Variants in CCDC181 observed in about 807,000 individuals in gnomAD.
The protein encoded by CCDC181 is coiled-coil domain-containing protein 181.
In CCDC181, 35 loss-of-function variants were observed where a neutral mutation model predicts 58.7. The ratio of observed to expected loss-of-function variants is 0.60; its 90% CI spans 0.46 to 0.79. The LOEUF (loss-of-function observed/expected upper bound fraction) is 0.79. CCDC181 is among the 30% of genes least tolerant of loss of function. CCDC181 has a pLI of 0.00. For missense variants in CCDC181, 517 were observed against 583.9 expected (o/e 0.89, Z 1.18); for synonymous variants, 183 against 197.5 (o/e 0.93, Z 0.62).
At chr1:169,448,592 A>G (rs908844832) in intron 2 of CCDC181, among the ~76,000 whole-genome samples, 1 of 151,488 alleles carries the variant, frequency 6.6e-6, no homozygotes, top group African/African-American at 2.4e-5. Flanking sequence ...CTTTCAATAT[A>G]TTTTTGCCTT....
intron 1 of CCDC181, among the ~76,000 whole-genome samples, chr1:169,426,271 A>C (rs1469980855): frequency 6.6e-6 from 1 of 152,170 alleles, no homozygotes; most frequent in Non-Finnish European, 1.5e-5. Flanking sequence ...CAATTCTTTT[A>C]ATCTTCATCA....
intron 4 of CCDC181, among the ~76,000 whole-genome samples, chr1:169,411,461 A>G (rs1655958832): frequency 6.6e-6 from 1 of 152,224 alleles, no homozygotes; most frequent in African/African-American, 2.4e-5. Context: ...TCAGCAGTAC[A>G]AAGAGGAGCT....
rs1194818961 is a variant in CCDC181 at position 169,427,372 on chromosome 1, C to G, written c.-108G>C. On this transcript the variant is annotated 5_prime_UTR_variant, in exon 1 of 6. Coordinates refer to ENST00000367806, the MANE Select transcript of CCDC181 (RefSeq NM_001300969.2). Reference sequence around the variant, plus strand: ...TCTTTCTAAGCTCTTCACATTGAGGCAAAGGAGACCCCGGCACCTGCCTCC... The same window carrying G: ...TCTTTCTAAGCTCTTCACATTGAGGGAAAGGAGACCCCGGCACCTGCCTCC... The G allele has an allele frequency of 6.6e-6, 1 of 152,302 alleles. No individual in the cohort carries two copies. Among genetic ancestry groups the G allele is most frequent in the Non-Finnish European group, 1.5e-5 (1 of 68,138 alleles). 9.4% of individuals were successfully genotyped at this position (152,302 alleles called of 1,614,324 possible).
chr1:169,415,207 C>T (rs1364196241), intron 4 of CCDC181, among the ~76,000 whole-genome samples: 1 of 152,130 alleles, frequency 6.6e-6, no homozygotes, highest in Non-Finnish European at 1.5e-5. Flanking sequence ...CTTGGAATGC[C>T]ATGAGGCCTG....
intron 3 of CCDC181, 68 bp from the exon 4 acceptor site, chr1:169,419,227 A>G: frequency 7.0e-7 from 1 of 1,427,030 alleles, no homozygotes; most frequent in Non-Finnish European, 9.3e-7. Flanking sequence ...CAGAGTAGAG[A>G]GATATATTTT....
Position 169,450,888 on chromosome 1 carries a change from A to G in CCDC181, c.-24+8909T>C, listed in dbSNP as rs139168074. 9.8e-5 allele frequency among the ~76,000 whole-genome samples: 15 copies of G among 152,288 alleles called. No individual in the cohort carries two copies. The East Asian group carries it at 2.5e-3, about 25-fold the overall frequency. ...ATTAATTTGCTTTTCCCGAATGACA[A>G]ATACTGTTAAGAACTTTTCATATTC... On this transcript the variant is annotated intron_variant, in intron 2 of 6. Coordinates refer to the CCDC181 transcript ENST00000545005.
intron 3 of CCDC181, among the ~76,000 whole-genome samples, chr1:169,419,614 A>G (rs1308492080): frequency 6.6e-6 from 1 of 152,168 alleles, no homozygotes; most frequent in Non-Finnish European, 1.5e-5. Context: ...CCTATATACT[A>G]TTTTCTGAGC....
At chr1:169,415,786 C>T (rs1055878647) in intron 4 of CCDC181, among the ~76,000 whole-genome samples, 2 of 152,154 alleles carry the variant, frequency 1.3e-5, no homozygotes, top group African/African-American at 4.8e-5. Flanking sequence ...CATTGAACAT[C>T]CACCCCCAAA....
intron 4 of CCDC181, among the ~76,000 whole-genome samples, chr1:169,418,358 GA>G (rs1164034194): frequency 2.6e-5 from 4 of 151,322 alleles, no homozygotes; most frequent in East Asian, 3.9e-4. Flanking sequence ...ATGATGAAGT[GA>G]AAAAAAACTG....
chr1:169,424,859 C>T lies in CCDC181; in HGVS notation c.69G>A (p.Leu23=). Residue 23 remains leucine (L), a synonymous_variant, in exon 2 of 6, where the codon CTG becomes CTA. Transcript: ENST00000367806. ...TTTCATTTTCATTAATTAACCACTC[C>T]AGGTCCTTTTCAAAGTCATCTTCGT... The part of the protein sequence containing the change: ...EEYEDDFEKD[L]EWLINENEKS... 6.2e-7 allele frequency: 1 copy of T among 1,608,888 alleles called. No homozygotes were observed. The highest frequency in any genetic ancestry group is 1.7e-5 in the Admixed American group (1 of 59,834).
At chr1:169,404,509 T>C (rs990355890) in intron 4 of CCDC181, among the ~76,000 whole-genome samples, 9 of 152,132 alleles carry the variant, frequency 5.9e-5, no homozygotes, top group African/African-American at 2.2e-4. Flanking sequence ...GTTCAACGTA[T>C]GCAAATCAAT....
chr1:169,396,120 A>T (rs1481370169), intron 5 of CCDC181: 1 of 152,224 alleles, frequency 6.6e-6, no homozygotes, highest in East Asian at 1.9e-4. Flanking sequence ...TTGTAAATAC[A>T]TGTACAGACA....
At chr1:169,395,309 A>C (rs979695767) in intron 5 of CCDC181, 103 bp from the exon 6 acceptor site, 4 of 1,019,488 alleles carry the variant, frequency 3.9e-6, no homozygotes, top group Non-Finnish European at 5.4e-6. Context: ...ATTTCTTTAC[A>C]ATGAAATACT....
At position 169,419,078 on chromosome 1, in the gene CCDC181, T is replaced by C; in HGVS notation, c.1150A>G (p.Arg384Gly). 6.2e-7 allele frequency: 1 copy of C among 1,613,778 alleles called. No homozygotes were observed. The highest frequency in any genetic ancestry group is 8.5e-7 in the Non-Finnish European group (1 of 1,179,964). The change falls in exon 4 of 6, where the codon AGA becomes GGA. Residue 384 changes from arginine (R) to glycine (G), a missense_variant. By Grantham distance (125) the Arg-to-Gly change is moderately radical (BLOSUM62 -2). Transcript: ENST00000367806. ...IVFKAWLQKK[R>G]EQVLEMRRIQ... ...CTCCTCATTTCTAAGACCTGCTCTC[T>C]TTTCTTTTGCAACCACGCTTTAAAT...
chr1:169,399,999 G>T (rs1046755037), intron 4 of CCDC181, among the ~76,000 whole-genome samples: 1 of 152,208 alleles, frequency 6.6e-6, no homozygotes, highest in African/African-American at 2.4e-5. Flanking sequence ...TGCTCCAAGA[G>T]TCTGTGTGGG....
intron 2 of CCDC181, among the ~76,000 whole-genome samples, chr1:169,459,053 A>G (rs991973804): frequency 1.3e-5 from 2 of 152,270 alleles, no homozygotes; most frequent in South Asian, 2.1e-4. Flanking sequence ...AAAAAATAAA[A>G]TAAAATAAAA....
intron 4 of CCDC181, among the ~76,000 whole-genome samples, chr1:169,416,614 T>C (rs1251965281): frequency 6.6e-6 from 1 of 152,224 alleles, no homozygotes; most frequent in Non-Finnish European, 1.5e-5. Flanking sequence ...AAAGAAATTA[T>C]ACCTTTGCTA....
At chr1:169,455,252 A>G (rs1222257215) in intron 2 of CCDC181, among the ~76,000 whole-genome samples, 2 of 151,948 alleles carry the variant, frequency 1.3e-5, no homozygotes, top group African/African-American at 4.8e-5. Context: ...ATTTTATTCA[A>G]TCAGTACATA....
At chr1:169,444,217 G>C (rs1657310755) in intron 2 of CCDC181, among the ~76,000 whole-genome samples, 1 of 152,150 alleles carries the variant, frequency 6.6e-6, no homozygotes. Context: ...CTTTAAATCA[G>C]GATAGTGCTT....
Sources: gnomAD v4.1 joint callset for allele counts (sites outside exome capture counted in the v4.1 genomes callset) on GRCh38, gnomAD v4.1.1 for gene constraint, MANE v1.5 for transcripts, NCBI Gene and HGNC (gene_info 2026-07-23, HGNC 2026-07-21) for gene names.